The following RPRD2 variants were observed in gnomAD, a reference collection of about 807,000 sequenced individuals.
The protein encoded by RPRD2 is regulation of nuclear pre-mRNA domain containing 2.
RPRD2 carries 12 observed loss-of-function variants against 104.4 expected under a neutral mutation model. The ratio of observed to expected loss-of-function variants is 0.11; its 90% CI spans 0.07 to 0.19. RPRD2 has a LOEUF of 0.19. Ranked by LOEUF, RPRD2 falls within the 10% of genes least tolerant of loss-of-function variation. The pLI, the probability that RPRD2 is intolerant of heterozygous loss-of-function variation, is 1.00. For synonymous variants in RPRD2, 714 were observed against 684.9 expected, an observed-to-expected ratio of 1.04 and a Z score of -0.66; for missense variants, 1,543 against 1,790.1, an observed-to-expected ratio of 0.86 and a Z score of 2.49.
intron 1 of RPRD2, among the ~76,000 whole-genome samples, chr1:150,407,685 A>G (rs1663583694): frequency 6.6e-6 from 1 of 152,174 alleles, no homozygotes; most frequent in South Asian, 2.1e-4. Flanking sequence ...TTAACCCTCA[A>G]CAAAGCAACT....
chr1:150,434,967 G>A (rs11577600), intron 2 of RPRD2, among the ~76,000 whole-genome samples: 47,925 of 152,020 alleles, frequency 0.32, 8,569 homozygotes, highest in Non-Finnish European at 0.4. Flanking sequence ...CAGGTAATGT[G>A]GTTGTTTTTA....
intron 1 of RPRD2, among the ~76,000 whole-genome samples, chr1:150,388,359 T>G (rs1661767497): frequency 9.7e-6 from 1 of 103,310 alleles, no homozygotes; most frequent in Non-Finnish European, 2.1e-5. Context: ...CACATATACA[T>G]ATATACATGT....
intron 1 of RPRD2, among the ~76,000 whole-genome samples, chr1:150,391,850 GT>G (rs1662096686): frequency 6.6e-6 from 1 of 152,158 alleles, no homozygotes; most frequent in African/African-American, 2.4e-5. Flanking sequence ...AGAGGTTGCA[GT>G]GAGCCGAGAT....
intron 1 of RPRD2, among the ~76,000 whole-genome samples, chr1:150,386,165 G>GA (rs1373120613): frequency 2.0e-5 from 3 of 152,024 alleles, no homozygotes; most frequent in Non-Finnish European, 2.9e-5. Flanking sequence ...GATGGTGGGG[G>GA]ATCTCACTAT....
Position 150,472,941 on chromosome 1 carries a change from CCTT to C in RPRD2, c.3995_3997del (p.Leu1332del). Reference sequence around the variant, plus strand: ...TATTTCCCAAGGACCATAGTTCCCTCCTTCAAGGGACCCTGGCTGAGCATTTTG... The same window carrying C: ...TATTTCCCAAGGACCATAGTTCCCTCCAAGGGACCCTGGCTGAGCATTTTG... On this transcript the variant is annotated inframe_deletion, in exon 11 of 11. Coordinates refer to ENST00000369068, the MANE Select transcript of RPRD2 (RefSeq NM_015203.5). 1.2e-6 allele frequency: 2 copies of C among 1,613,716 alleles called. No individual in the cohort carries two copies. The highest frequency in any genetic ancestry group is 8.5e-7 in the Non-Finnish European group (1 of 1,179,734).
At chr1:150,424,572 T>A (rs1304058850) in intron 2 of RPRD2, among the ~76,000 whole-genome samples, 1 of 152,068 alleles carries the variant, frequency 6.6e-6, no homozygotes, top group Non-Finnish European at 1.5e-5. Flanking sequence ...AGGCATGAGC[T>A]ACCGCACGCG....
intron 7 of RPRD2, among the ~76,000 whole-genome samples, chr1:150,454,839 C>T (rs782190101): frequency 9.9e-5 from 15 of 151,914 alleles, no homozygotes; most frequent in Non-Finnish European, 1.8e-4. Context: ...TAGAACGAGA[C>T]CCTGTCTGAA....
chr1:150,459,501 C>A (rs1667773503), intron 8 of RPRD2, among the ~76,000 whole-genome samples: 1 of 151,870 alleles, frequency 6.6e-6, no homozygotes, highest in African/African-American at 2.4e-5. Context: ...TAACATGCTT[C>A]TTGAATTGTA....
chr1:150,397,850 G>A (rs1190756077), intron 1 of RPRD2, among the ~76,000 whole-genome samples: 2 of 151,418 alleles, frequency 1.3e-5, no homozygotes, highest in Admixed American at 1.3e-4. Context: ...GGATTCAAGC[G>A]ATTCTCCTGC....
chr1:150,396,923 G>A (rs1553884333), intron 1 of RPRD2, among the ~76,000 whole-genome samples: 2 of 151,808 alleles, frequency 1.3e-5, no homozygotes, highest in African/African-American at 4.8e-5. Context: ...TAAAAATAAT[G>A]ATTACCATAA....
chr1:150,381,048 A>G (rs1661089543), intron 1 of RPRD2, among the ~76,000 whole-genome samples: 1 of 152,140 alleles, frequency 6.6e-6, no homozygotes, highest in Non-Finnish European at 1.5e-5. Context: ...CCCCAAAAAG[A>G]ATGTAAACTG....
At chr1:150,418,981 C>T (rs1664567167) in intron 2 of RPRD2, among the ~76,000 whole-genome samples, 1 of 152,178 alleles carries the variant, frequency 6.6e-6, no homozygotes, top group Non-Finnish European at 1.5e-5. Context: ...CACTGCACTC[C>T]AGCCTGGGCG....
intron 9 of RPRD2, among the ~76,000 whole-genome samples, chr1:150,461,513 TTA>T (rs1407356677): frequency 6.6e-6 from 1 of 152,136 alleles, no homozygotes; most frequent in Non-Finnish European, 1.5e-5. Flanking sequence ...ATCTAATCCT[TTA>T]TTATTAGGCA....
intron 1 of RPRD2, among the ~76,000 whole-genome samples, chr1:150,411,895 G>T (rs1464468827): frequency 1.3e-5 from 2 of 151,982 alleles, no homozygotes; most frequent in Non-Finnish European, 2.9e-5. Flanking sequence ...GGAGGCTAAG[G>T]TGGGTGGATT....
chr1:150,371,060 A>G (rs1272195147), intron 1 of RPRD2, among the ~76,000 whole-genome samples: 1 of 152,170 alleles, frequency 6.6e-6, no homozygotes, highest in African/African-American at 2.4e-5. Flanking sequence ...GTTTTTCAAA[A>G]TGAAACATAT....
intron 1 of RPRD2, among the ~76,000 whole-genome samples, chr1:150,408,290 G>T (rs1162300202): frequency 6.9e-6 from 1 of 145,876 alleles, no homozygotes; most frequent in Non-Finnish European, 1.5e-5. Flanking sequence ...TCAGCCTCCC[G>T]AGTATCTGGG....
Position 150,471,483 on chromosome 1 carries a change from C to T in RPRD2, c.2535C>T (p.Ala845=), listed in dbSNP as rs1198216693. 1 of 1,613,710 alleles carries T rather than the reference C, an allele frequency of 6.2e-7. No individual in the cohort carries two copies. The highest frequency in any genetic ancestry group is 1.1e-5 in the South Asian group (1 of 91,054). Residue 845 remains alanine (A), a synonymous_variant, in exon 11 of 11, where the codon GCC becomes GCT. Coordinates refer to ENST00000369068, the MANE Select transcript of RPRD2 (RefSeq NM_015203.5). The surrounding 1 kb of genome is among the most constrained non-coding windows in gnomAD (Gnocchi z 5.3). The part of the protein sequence containing the change: ...DFEYSGPPPS[A]MMNLEKKPAK... ...AGTATTCAGGGCCTCCACCCTCTGC[C>T]ATGATGAACCTAGAGAAGAAACCAG... is the stretch of plus-strand genomic sequence containing the variant.
chr1:150,378,540 C>T (rs958844305), intron 1 of RPRD2, among the ~76,000 whole-genome samples: 1 of 152,160 alleles, frequency 6.6e-6, no homozygotes, highest in Admixed American at 6.5e-5. Context: ...AACAGCCTTG[C>T]ACCTGCCCAT....
chr1:150,448,327 C>T (rs782763031), intron 7 of RPRD2, among the ~76,000 whole-genome samples: 1 of 152,046 alleles, frequency 6.6e-6, no homozygotes, highest in Non-Finnish European at 1.5e-5. Flanking sequence ...TGCCATCATG[C>T]CTGGCTAATT....
Sources: allele counts gnomAD v4.1 joint callset (sites outside exome capture counted in the v4.1 genomes callset), GRCh38; gene constraint gnomAD v4.1.1; non-coding constraint Gnocchi (gnomAD v3.1); transcripts MANE v1.5; gene names NCBI Gene and HGNC (gene_info 2026-07-23, HGNC 2026-07-21).